PIKFYVE: variants seen among roughly 807,000 people sequenced by gnomAD.
PIKFYVE encodes the protein phosphoinositide kinase, FYVE-type zinc finger containing.
In PIKFYVE, 122 loss-of-function variants were observed where a neutral mutation model predicts 257.9. The ratio of observed to expected loss-of-function variants is 0.47; its 90% CI spans 0.41 to 0.55. The LOEUF is 0.55. Among genes scored for constraint, PIKFYVE ranks in the 20% least tolerant of loss-of-function variants. The pLI, the probability that PIKFYVE is intolerant of heterozygous loss-of-function variation, is 0.00. For missense variants in PIKFYVE, 2,160 were observed against 2,536.6 expected, an observed-to-expected ratio of 0.85 and a Z score of 3.19; for synonymous variants, 892 against 868.9, an observed-to-expected ratio of 1.03 and a Z score of -0.47.
At chr2:208,343,312 A>G (rs1251137977) in intron 32 of PIKFYVE, among the ~76,000 whole-genome samples, 2 of 152,104 alleles carry the variant, frequency 1.3e-5, no homozygotes, top group African/African-American at 4.8e-5. Flanking sequence ...TACAATCTGA[A>G]TATCTTTTTT....
In PIKFYVE at chr2:208,351,992, A is replaced by G. The variant is rs1341288320; in HGVS notation, c.5715+537A>G. Among the ~76,000 whole-genome samples, 3 of 152,300 alleles carry G rather than the reference A, an allele frequency of 2.0e-5. No homozygotes were observed. In the East Asian group the frequency reaches 5.8e-4, roughly 29 times the overall value. On this transcript the variant is annotated intron_variant, in intron 38 of 41. Coordinates refer to ENST00000264380, the MANE Select transcript of PIKFYVE (RefSeq NM_015040.4). The stretch of plus-strand genomic sequence containing the variant: ...TGTGGTAAGATATATGCAGGACACA[A>G]ATTGATCTCTGTTATGCTATTGAGG...
intron 7 of PIKFYVE, among the ~76,000 whole-genome samples, chr2:208,290,181 A>G (rs761311088): frequency 3.3e-5 from 5 of 152,186 alleles, no homozygotes; most frequent in African/African-American, 7.2e-5. Flanking sequence ...TGAATATTCT[A>G]TGGATTTGGA....
In PIKFYVE at chr2:208,307,127, C is replaced by T. The variant is rs548307578; in HGVS notation, c.1636+2114C>T. 3.9e-5 allele frequency among the ~76,000 whole-genome samples: 6 copies of T among 152,148 alleles called. No homozygotes were observed. In the South Asian group the frequency reaches 6.2e-4, roughly 16 times the overall value. ...TATCAAAGTTGTAAGTGGCAACTTT[C>T]GTAGGAGAATGAATCTGAAAGAGGG... On this transcript the variant is annotated intron_variant, in intron 12 of 41. Coordinates refer to ENST00000264380, the MANE Select transcript of PIKFYVE (RefSeq NM_015040.4).
At chr2:208,328,927 T>C (rs527298939) in intron 21 of PIKFYVE, among the ~76,000 whole-genome samples, 61 of 152,340 alleles carry the variant, frequency 4.0e-4, no homozygotes, top group African/African-American at 1.4e-3. Context: ...AAAGCTTGTT[T>C]ATAAGCATTT....
chr2:208,266,597 C>T (rs1025189269), intron 1 of PIKFYVE, among the ~76,000 whole-genome samples, 182 bp downstream of exon 1: 2 of 152,214 alleles, frequency 1.3e-5, no homozygotes, highest in African/African-American at 4.8e-5. Context: ...ATTAGCTTGT[C>T]CTCCCTATTC....
At chr2:208,323,799 A>T (rs1696591858) in intron 17 of PIKFYVE, among the ~76,000 whole-genome samples, 1 of 152,150 alleles carries the variant, frequency 6.6e-6, no homozygotes, top group Non-Finnish European at 1.5e-5. Flanking sequence ...AATGATTGCC[A>T]TTCTATCTGG....
rs1415972451 is a variant in PIKFYVE, at chr2:208,342,586, A to G, written c.4964A>G (p.His1655Arg). 10 of 1,614,002 alleles carry G rather than the reference A, an allele frequency of 6.2e-6. No homozygotes were observed. The highest frequency in any genetic ancestry group is 1.3e-5 in the African/African-American group (1 of 75,048). The change falls in exon 32 of 42, where the codon CAT (histidine) becomes CGT (arginine). Residue 1655 changes from histidine (H) to arginine (R), a missense_variant. His to Arg is a conservative substitution (Grantham distance 29). This residue lies in a region of PIKFYVE where 699 missense variants were observed against 855.8 expected (regional missense o/e 0.82). Coordinates refer to ENST00000264380, the MANE Select transcript of PIKFYVE (RefSeq NM_015040.4). ...GATAAACACTACTTAATGTATGAAC[A>G]TGAACGAGTGCCCATTGCAGTCTGC... ...DPDKHYLMYE[H>R]ERVPIAVCEK...
intron 13 of PIKFYVE, among the ~76,000 whole-genome samples, chr2:208,313,402 CCT>C (rs1240801430): frequency 6.6e-6 from 1 of 151,802 alleles, no homozygotes; most frequent in African/African-American, 2.4e-5. Flanking sequence ...TTAAAAAACC[CCT>C]GTGCCAATAT....
At position 208,286,020 on chromosome 2, in the gene PIKFYVE, C is replaced by G. The variant is rs1466404888; in HGVS notation, c.821+87C>G. On this transcript the variant is annotated intron_variant, in intron 6 of 41. Transcript: ENST00000264380. Reference sequence around the variant, plus strand: ...TGAGTGCTTTCAGTTAACACTTACCCTCTTAGAATTATTTCCTGTCAGTTC... The same window carrying G: ...TGAGTGCTTTCAGTTAACACTTACCGTCTTAGAATTATTTCCTGTCAGTTC... 3.9e-6 allele frequency: 5 copies of G among 1,286,392 alleles called. No individual in the cohort carries two copies. The African/African-American group carries it at 4.4e-5, about 11-fold the overall frequency. 79.7% of individuals were successfully genotyped at this position (1,286,392 alleles called of 1,614,324 possible).
At chr2:208,296,937 A>G (rs896622827) in intron 7 of PIKFYVE, among the ~76,000 whole-genome samples, 1 of 152,210 alleles carries the variant, frequency 6.6e-6, no homozygotes, top group Non-Finnish European at 1.5e-5. Flanking sequence ...GTTTTGCTGT[A>G]AAGTAGAGGG....
intron 5 of PIKFYVE, among the ~76,000 whole-genome samples, chr2:208,281,431 C>T (rs572361451): frequency 2.0e-4 from 31 of 152,314 alleles, no homozygotes; most frequent in Middle Eastern, 3.4e-3. Context: ...CTTCATTATC[C>T]ATTCCCACAT....
At chr2:208,353,458 C>T (rs1699946951) in intron 39 of PIKFYVE, among the ~76,000 whole-genome samples, 1 of 152,092 alleles carries the variant, frequency 6.6e-6, no homozygotes, top group African/African-American at 2.4e-5. Context: ...CCAAATATTC[C>T]TGTGTTATGC....
chr2:208,286,685 T>C (rs1691617070), intron 6 of PIKFYVE, among the ~76,000 whole-genome samples: 1 of 151,620 alleles, frequency 6.6e-6, no homozygotes, highest in Admixed American at 6.6e-5. Flanking sequence ...TGTGCTTGGC[T>C]GATTTTTTTT....
At position 208,336,989 on chromosome 2, in the gene PIKFYVE, T is replaced by C. The variant is rs191165351; in HGVS notation, c.4611+61T>C. 6.8e-5 allele frequency: 87 copies of C among 1,284,882 alleles called. No homozygotes were observed. In the African/African-American group the frequency reaches 1.1e-3, roughly 16 times the overall value. The allele number at this position is 1,284,882 out of a possible 1,614,324, so 79.6% of individuals were successfully genotyped here. A position where few individuals can be genotyped will look rare whatever the true frequency, so the allele number is the denominator to read the frequency against. ...ATAGAAATATAGTTAGTTTCATTTA[T>C]AATACTTAGCAGGGATAGTTTAATA... On this transcript the variant is annotated intron_variant, in intron 28 of 41. Transcript: ENST00000264380.
At chr2:208,294,282 C>T (rs553971027) in intron 7 of PIKFYVE, among the ~76,000 whole-genome samples, 2 of 152,204 alleles carry the variant, frequency 1.3e-5, no homozygotes, top group South Asian at 2.1e-4. Context: ...TTAGAATATC[C>T]ATCTCTCTGC....
chr2:208,323,850 C>G (rs972918920), intron 17 of PIKFYVE, among the ~76,000 whole-genome samples: 1 of 152,188 alleles, frequency 6.6e-6, no homozygotes, highest in Non-Finnish European at 1.5e-5. Context: ...TTGCATTTCT[C>G]TGATGGCCAG....
chr2:208,298,443 A>G (rs904326905), intron 7 of PIKFYVE, among the ~76,000 whole-genome samples, 198 bp from the exon 8 acceptor site: 1 of 152,022 alleles, frequency 6.6e-6, no homozygotes, highest in African/African-American at 2.4e-5. Context: ...AGGGTTGCAA[A>G]TATCGTACAG....
At chr2:208,320,948 C>T in intron 17 of PIKFYVE, among the ~76,000 whole-genome samples, 1 of 152,210 alleles carries the variant, frequency 6.6e-6, no homozygotes, top group East Asian at 1.9e-4. Flanking sequence ...ACACCCGCAT[C>T]TCTGTGTGGT....
At chr2:208,323,085 A>C (rs909398898) in intron 17 of PIKFYVE, among the ~76,000 whole-genome samples, 1 of 146,732 alleles carries the variant, frequency 6.8e-6, no homozygotes, top group Non-Finnish European at 1.5e-5. Flanking sequence ...TTTCTTTTTT[A>C]TTTTTATTTT....
Sources: allele counts gnomAD v4.1 joint callset (sites outside exome capture counted in the v4.1 genomes callset), GRCh38; gene constraint gnomAD v4.1.1; regional missense constraint gnomAD v4.1.1; transcripts MANE v1.5; gene names NCBI Gene and HGNC (gene_info 2026-07-23, HGNC 2026-07-21).